The following SAMD4B variants were observed in gnomAD, a reference collection of about 807,000 sequenced individuals.
SAMD4B encodes protein Smaug homolog 2.
A neutral mutation model predicts 74.5 loss-of-function variants in SAMD4B; 5 were observed. That is an observed-to-expected ratio of 0.07 (90% CI 0.04 to 0.14). The LOEUF (loss-of-function observed/expected upper bound fraction) is 0.14. Among genes scored for constraint, SAMD4B ranks in the 10% least tolerant of loss-of-function variants. SAMD4B has a pLI of 1.00. For missense variants in SAMD4B, 608 were observed against 921.8 expected (o/e 0.66, Z 4.41); for synonymous variants, 373 against 374.9 (o/e 1.00, Z 0.06).
downstream of SAMD4B, chr19:39,388,586 C>T (rs779845536): frequency 1.9e-6 from 3 of 1,614,052 alleles, no homozygotes; most frequent in African/African-American, 2.7e-5. Flanking sequence ...AGTCCATCTC[C>T]TCCTCCTGGT....
chr19:39,383,798 T>C lies in SAMD4B; in HGVS notation c.*271T>C. On this transcript the variant is annotated 3_prime_UTR_variant, in exon 14 of 14. Transcript: ENST00000610417. This position sits in a 1 kb window ranked among gnomAD's most constrained non-coding sequence, Gnocchi z 4.1. Reference sequence around the variant, plus strand: ...CTGGCCAGACTGCCTGCCTCTCTCCTTTCCTTCCTCATCCCCACCTGGTCC... The same window carrying C: ...CTGGCCAGACTGCCTGCCTCTCTCCCTTCCTTCCTCATCCCCACCTGGTCC... 7.6e-7 allele frequency: 1 copy of C among 1,310,290 alleles called. No individual in the cohort carries two copies. Among genetic ancestry groups the C allele is most frequent in the Non-Finnish European group, 1.0e-6 (1 of 952,858 alleles). The allele number at this position is 1,310,290 out of a possible 1,614,324, so 81.2% of individuals were successfully genotyped here. A position where few individuals can be genotyped will look rare whatever the true frequency, so the allele number is the denominator to read the frequency against.
intron 3 of SAMD4B, among the ~76,000 whole-genome samples, chr19:39,366,412 G>C (rs568038501): frequency 1.3e-5 from 2 of 152,254 alleles, no homozygotes; most frequent in Admixed American, 1.3e-4. Context: ...GGAGGTTGCA[G>C]TGAGCTGAGA....
chr19:39,390,502 C>T (rs1045816948), downstream of SAMD4B, among the ~76,000 whole-genome samples: 2 of 152,154 alleles, frequency 1.3e-5, no homozygotes, highest in Admixed American at 6.5e-5. Context: ...ATGAACAAGG[C>T]CAAGTGCTCA....
Position 39,378,615 on chromosome 19 carries a change from A to G in SAMD4B, c.1530+26A>G. 1 of 1,602,910 alleles carries G rather than the reference A, an allele frequency of 6.2e-7. No individual in the cohort carries two copies. The highest frequency in any genetic ancestry group is 8.5e-7 in the Non-Finnish European group (1 of 1,170,146). On this transcript the variant is annotated intron_variant, in intron 9 of 13. Coordinates refer to ENST00000610417, the MANE Select transcript of SAMD4B (RefSeq NM_001384574.2). The surrounding 1 kb of genome is among the most constrained non-coding windows in gnomAD (Gnocchi z 4.4). Reference sequence around the variant, plus strand: ...GTAAGGCCTTCCCTAGCATACTCAAAAAGGGAAAGGCGGCCAGGCGTGGTG... The same window carrying G: ...GTAAGGCCTTCCCTAGCATACTCAAGAAGGGAAAGGCGGCCAGGCGTGGTG...
At chr19:39,390,287 G>C (rs750171029), downstream of SAMD4B, 2 of 1,612,228 alleles carry the variant, frequency 1.2e-6, no homozygotes, top group Non-Finnish European at 1.7e-6. Context: ...GTGGGAATTG[G>C]GCCTAGTGGA....
rs561877416 is a variant in SAMD4B, at chr19:39,380,705, C to A, written c.1768C>A (p.Leu590Ile). The A allele has an allele frequency of 6.2e-7, 1 of 1,612,078 alleles. No homozygotes were observed. The highest frequency in any genetic ancestry group is 2.2e-5 in the East Asian group (1 of 44,848). Reference protein sequence around the residue: ...PRALPPGRMGLLSPSGIGGVS... With the variant: ...PRALPPGRMGILSPSGIGGVS... ...GGCCCTCCCACCCGGCCGGATGGGC[C>A]TCCTGAGCCCCTCGGGCATTGGGGG... The change falls in exon 11 of 14, where the codon CTC becomes ATC. Residue 590 changes from leucine (L) to isoleucine (I), a missense_variant. Physicochemically the swap from Leu to Ile is conservative, Grantham distance 5. Around this residue, in one of 9 missense-constraint regions of SAMD4B, gnomAD observed 167 missense variants for 193.0 expected, o/e 0.87. Coordinates refer to ENST00000610417, the MANE Select transcript of SAMD4B (RefSeq NM_001384574.2).
chr19:39,357,369 G>A (rs1318636772), intron 3 of SAMD4B, among the ~76,000 whole-genome samples: 1 of 152,160 alleles, frequency 6.6e-6, no homozygotes, highest in East Asian at 1.9e-4. Context: ...GTGGGCTGCT[G>A]AAAGGAACAG....
chr19:39,367,374 A>G (rs1188009816), intron 3 of SAMD4B, among the ~76,000 whole-genome samples: 2 of 152,170 alleles, frequency 1.3e-5, no homozygotes, highest in Admixed American at 1.3e-4. Context: ...AGTTGGCCTC[A>G]GACCTAAATC....
chr19:39,346,510 G>T (rs929588524), intron 1 of SAMD4B, among the ~76,000 whole-genome samples: 1 of 152,164 alleles, frequency 6.6e-6, no homozygotes, highest in African/African-American at 2.4e-5. Context: ...ACTGGTTTTT[G>T]AATGCTTTCT....
chr19:39,381,065 T>A lies in SAMD4B; in HGVS notation c.1924T>A (p.Ser642Thr). 6.2e-7 allele frequency: 1 copy of A among 1,612,896 alleles called. No homozygotes were observed. The highest frequency in any genetic ancestry group is 8.5e-7 in the Non-Finnish European group (1 of 1,179,900). Reference sequence around the variant, plus strand: ...CCGCAGCTCTGTGCAGCGCACCCACTCGCTCCCGGTCCACTCGTCACCCCA... The same window carrying A: ...CCGCAGCTCTGTGCAGCGCACCCACACGCTCCCGGTCCACTCGTCACCCCA... Reference protein sequence around the residue: ...QSRSSVQRTHSLPVHSSPQAI... With the variant: ...QSRSSVQRTHTLPVHSSPQAI... The change falls in exon 12 of 14, where the codon TCG (serine) becomes ACG (threonine). Residue 642 changes from serine (S) to threonine (T), a missense_variant. Physicochemically the swap from Ser to Thr is moderately conservative, Grantham distance 58. Coordinates refer to ENST00000610417, the MANE Select transcript of SAMD4B (RefSeq NM_001384574.2).
chr19:39,353,511 A>G (rs970620402), intron 1 of SAMD4B, among the ~76,000 whole-genome samples: 5 of 152,162 alleles, frequency 3.3e-5, no homozygotes, highest in African/African-American at 1.2e-4. Flanking sequence ...AATTTAAAAA[A>G]TGGCATTATA....
intron 1 of SAMD4B, among the ~76,000 whole-genome samples, chr19:39,346,137 C>T (rs1400880742): frequency 6.6e-6 from 1 of 152,130 alleles, no homozygotes; most frequent in Admixed American, 6.6e-5. Flanking sequence ...AATATTGGGG[C>T]CTGCCTTCAG....
chr19:39,378,338 G>A lies in SAMD4B; in HGVS notation c.1445-166G>A, dbSNP rs995808247. Among the ~76,000 whole-genome samples the A allele has an allele frequency of 4.6e-5, 7 of 152,188 alleles. No homozygotes were observed. The highest frequency in any genetic ancestry group is 8.8e-5 in the Non-Finnish European group (6 of 68,038). ...GTGACAAGATTGTGTCAGGCACTAT[G>A]TTGTATATCCTCATGATAACCCAAA... is the stretch of plus-strand genomic sequence containing the variant. On this transcript the variant is annotated intron_variant, in intron 8 of 13. Transcript: ENST00000610417. This position sits in a 1 kb window ranked among gnomAD's most constrained non-coding sequence, Gnocchi z 4.4.
chr19:39,370,837 C>G (rs773510107), intron 4 of SAMD4B, among the ~76,000 whole-genome samples: 5 of 152,248 alleles, frequency 3.3e-5, no homozygotes, highest in Non-Finnish European at 7.3e-5. Flanking sequence ...GTCCGCATCA[C>G]AACCGTATCA....
Position 39,356,783 on chromosome 19 carries a change from C to A in SAMD4B, c.-111C>A. ...CGTTGCCACCACGCCCAGAAACGTC[C>A]TTAAGCCCTGGCCCTCAGGGGAAAG... On this transcript the variant is annotated 5_prime_UTR_variant, in exon 3 of 14. Coordinates refer to ENST00000610417, the MANE Select transcript of SAMD4B (RefSeq NM_001384574.2). 1.1e-6 allele frequency: 1 copy of A among 927,554 alleles called. No individual in the cohort carries two copies. Among genetic ancestry groups the A allele is most frequent in the Non-Finnish European group, 1.6e-6 (1 of 630,680 alleles). 57.5% of individuals were successfully genotyped at this position (927,554 alleles called of 1,614,324 possible).
chr19:39,342,820 C>G (rs2145105369), intron 1 of SAMD4B, among the ~76,000 whole-genome samples: 1 of 151,930 alleles, frequency 6.6e-6, no homozygotes, highest in East Asian at 1.9e-4. Context: ...CTTTCTCATG[C>G]CCTCGGGATT....
chr19:39,375,911 C>T lies in SAMD4B; in HGVS notation c.907+22C>T, dbSNP rs765713650. On this transcript the variant is annotated intron_variant, in intron 5 of 13. Coordinates refer to ENST00000610417, the MANE Select transcript of SAMD4B (RefSeq NM_001384574.2). This position sits in a 1 kb window ranked among gnomAD's most constrained non-coding sequence, Gnocchi z 4.1. ...AAAGGTACATTGGGGACAGCAGCAC[C>T]AGGACCCTTTTCCAGGGGCTTCTGC... 1.9e-6 allele frequency: 3 copies of T among 1,594,158 alleles called. No individual in the cohort carries two copies. Among genetic ancestry groups the T allele is most frequent in the South Asian group, 1.1e-5 (1 of 90,840 alleles).
rs1180778041 is a variant in SAMD4B, at chr19:39,378,084, T to C, written c.1444+260T>C. ...AATGGGGCAGTGGGTCAGAAGAAATTCCATGTAGTAAAGGGTGAGCAGTTG... is the reference window on the plus strand; with the variant it reads ...AATGGGGCAGTGGGTCAGAAGAAATCCCATGTAGTAAAGGGTGAGCAGTTG... On this transcript the variant is annotated intron_variant, in intron 8 of 13. Transcript: ENST00000610417. The surrounding 1 kb of genome is among the most constrained non-coding windows in gnomAD (Gnocchi z 4.4). 6.6e-6 allele frequency among the ~76,000 whole-genome samples: 1 copy of C among 152,138 alleles called. No individual in the cohort carries two copies. Among genetic ancestry groups the C allele is most frequent in the African/African-American group, 2.4e-5 (1 of 41,432 alleles).
intron 4 of SAMD4B, among the ~76,000 whole-genome samples, chr19:39,371,272 A>G (rs2077277202): frequency 6.6e-6 from 1 of 152,182 alleles, no homozygotes; most frequent in African/African-American, 2.4e-5. Context: ...CGGGTCCCTA[A>G]TGCCCCGCTG....
Sources: allele counts gnomAD v4.1 joint callset (sites outside exome capture counted in the v4.1 genomes callset), GRCh38; gene constraint gnomAD v4.1.1; regional missense constraint gnomAD v4.1.1; non-coding constraint Gnocchi (gnomAD v3.1); transcripts MANE v1.5; gene names NCBI Gene and HGNC (gene_info 2026-07-23, HGNC 2026-07-21).